PHACTR1: variants seen among roughly 807,000 people sequenced by gnomAD.
PHACTR1 encodes the protein RPEL repeat containing 1.
PHACTR1 carries 16 observed loss-of-function variants against 69.2 expected under a neutral mutation model. That is an observed-to-expected ratio of 0.23 (90% confidence interval 0.16 to 0.35). The LOEUF is 0.35. Ranked by LOEUF, PHACTR1 falls within the 10% of genes least tolerant of loss-of-function variation. PHACTR1 has a pLI of 1.00. For synonymous variants in PHACTR1, 312 were observed against 284.5 expected (o/e 1.10, Z -0.97); for missense variants, 510 against 734.7 (o/e 0.69, Z 3.54).
chr6:13,074,876 A>C (rs763106609), intron 5 of PHACTR1, among the ~76,000 whole-genome samples: 2 of 152,206 alleles, frequency 1.3e-5, no homozygotes, highest in Non-Finnish European at 2.9e-5. Context: ...AAAAAGCAAG[A>C]TGAGGTGGAG....
intron 4 of PHACTR1, among the ~76,000 whole-genome samples, chr6:12,886,399 T>C (rs1290785307): frequency 1.3e-5 from 2 of 152,244 alleles, no homozygotes; most frequent in South Asian, 2.1e-4. Flanking sequence ...ATTTCCATCA[T>C]ACTTTTTATT....
rs139424430 is a variant in PHACTR1, at chr6:12,941,569, G to A, written c.251-111796G>A. Reference sequence around the variant, plus strand: ...GACCGGATGTCACTACCTCTCACTCGCCACTTCCTGCCTCTCCACTTGAAT... The same window carrying A: ...GACCGGATGTCACTACCTCTCACTCACCACTTCCTGCCTCTCCACTTGAAT... On this transcript the variant is annotated intron_variant, in intron 4 of 14. Transcript: ENST00000332995. 1.4e-3 allele frequency among the ~76,000 whole-genome samples: 208 copies of A among 152,132 alleles called. 1 individual carries two copies. Among genetic ancestry groups the A allele is most frequent in the Non-Finnish European group, 2.3e-3 (157 of 68,010 alleles).
chr6:12,879,147 A>G (rs1782831179), intron 4 of PHACTR1, among the ~76,000 whole-genome samples: 1 of 152,180 alleles, frequency 6.6e-6, no homozygotes, highest in African/African-American at 2.4e-5. Context: ...GCTGGAGGCG[A>G]TGAAAATTTT....
Position 12,749,634 on chromosome 6 carries a change from T to G in PHACTR1, c.104-10T>G, listed in dbSNP as rs758445846. The stretch of plus-strand genomic sequence containing the variant: ...CTCTCCCTCTCCCTCCGTCTCCTTC[T>G]CCCTCTCAGCTCGCCGGGCGACCCT... On this transcript the variant is annotated splice_polypyrimidine_tract_variant and intron_variant, in intron 3 of 14. Transcript: ENST00000332995. 10 of 1,469,370 alleles carry G rather than the reference T, an allele frequency of 6.8e-6. No individual in the cohort carries two copies. Among genetic ancestry groups the G allele is most frequent in the African/African-American group, 1.5e-5 (1 of 68,790 alleles). The allele number at this position is 1,469,370 out of a possible 1,614,324, so 91.0% of individuals were successfully genotyped here. A position where few individuals can be genotyped will look rare whatever the true frequency, so the allele number is the denominator to read the frequency against.
intron 4 of PHACTR1, among the ~76,000 whole-genome samples, chr6:12,941,438 C>T (rs1790045314): frequency 6.6e-6 from 1 of 152,120 alleles, no homozygotes; most frequent in East Asian, 1.9e-4. Context: ...GAGAAGCAAG[C>T]AGAAAACCAC....
chr6:13,180,017 T>G (rs908904499), intron 6 of PHACTR1, among the ~76,000 whole-genome samples: 4 of 152,182 alleles, frequency 2.6e-5, no homozygotes, highest in African/African-American at 9.7e-5. Context: ...ATAGCATAAG[T>G]CTATCCCTTT....
intron 6 of PHACTR1, among the ~76,000 whole-genome samples, chr6:13,162,531 A>T: frequency 6.6e-6 from 1 of 152,200 alleles, no homozygotes; most frequent in Non-Finnish European, 1.5e-5. Flanking sequence ...GTATAATATT[A>T]TATAATAAGC....
intron 4 of PHACTR1, among the ~76,000 whole-genome samples, chr6:12,876,123 A>G (rs2127447621): frequency 6.6e-6 from 1 of 152,356 alleles, no homozygotes; most frequent in Non-Finnish European, 1.5e-5. Flanking sequence ...ACCGTAGCCC[A>G]TCGAACACCT....
intron 5 of PHACTR1, among the ~76,000 whole-genome samples, chr6:13,055,078 CAT>C (rs1314515012): frequency 1.3e-5 from 2 of 152,146 alleles, no homozygotes; most frequent in African/African-American, 2.4e-5. Flanking sequence ...AAGAGAATAA[CAT>C]AGAAAATCTG....
At chr6:13,150,848 G>C (rs1341458994) in intron 5 of PHACTR1, among the ~76,000 whole-genome samples, 2 of 152,110 alleles carry the variant, frequency 1.3e-5, no homozygotes, top group Non-Finnish European at 2.9e-5. Flanking sequence ...TCTAGAGATA[G>C]CATAAATGTG....
intron 4 of PHACTR1, among the ~76,000 whole-genome samples, chr6:12,931,953 A>G (rs1005922257): frequency 2.6e-5 from 4 of 151,908 alleles, no homozygotes; most frequent in Admixed American, 6.6e-5. Context: ...CGGTGGTTCC[A>G]AGAGTATGGT....
intron 10 of PHACTR1, among the ~76,000 whole-genome samples, chr6:13,235,559 G>A (rs895261368): frequency 6.6e-6 from 1 of 152,188 alleles, no homozygotes; most frequent in Non-Finnish European, 1.5e-5. Flanking sequence ...GACACTGACA[G>A]GTTGGTGAAG....
At chr6:13,064,565 T>C (rs1457427372) in intron 5 of PHACTR1, among the ~76,000 whole-genome samples, 1 of 1,752 alleles carries the variant, frequency 5.7e-4, no homozygotes, top group Non-Finnish European at 1.3e-3. Context: ...TATATATATA[T>C]ATATATATAT....
intron 5 of PHACTR1, among the ~76,000 whole-genome samples, chr6:13,086,140 C>G (rs1434376105): frequency 1.7e-5 from 2 of 117,280 alleles, no homozygotes; most frequent in Non-Finnish European, 3.4e-5. Context: ...ACAGATAGAA[C>G]TCAGAGTTTT....
At chr6:12,839,539 C>T (rs1280259013) in intron 4 of PHACTR1, among the ~76,000 whole-genome samples, 1 of 152,098 alleles carries the variant, frequency 6.6e-6, no homozygotes, top group Non-Finnish European at 1.5e-5. Flanking sequence ...GTCATGGGGC[C>T]TGTGGGCTGG....
intron 4 of PHACTR1, among the ~76,000 whole-genome samples, chr6:12,797,601 C>T (rs533955188): frequency 6.6e-6 from 1 of 152,246 alleles, no homozygotes; most frequent in African/African-American, 2.4e-5. Flanking sequence ...ACAGTGGGAG[C>T]ATAGGGGAAA....
chr6:12,962,014 G>A (rs1025674199), intron 4 of PHACTR1, among the ~76,000 whole-genome samples: 8 of 152,116 alleles, frequency 5.3e-5, no homozygotes, highest in Non-Finnish European at 2.9e-5. Flanking sequence ...CTGCAGCCTT[G>A]ATCTCCTGGG....
At chr6:12,798,862 G>A (rs1773386139) in intron 4 of PHACTR1, among the ~76,000 whole-genome samples, 1 of 152,224 alleles carries the variant, frequency 6.6e-6, no homozygotes, top group Non-Finnish European at 1.5e-5. Flanking sequence ...GCCCTTGCCT[G>A]AATCTATATA....
At chr6:12,960,543 A>T (rs1792579121) in intron 4 of PHACTR1, among the ~76,000 whole-genome samples, 1 of 152,176 alleles carries the variant, frequency 6.6e-6, no homozygotes, top group Non-Finnish European at 1.5e-5. Flanking sequence ...GATAAACAAC[A>T]TTTGTCCCCA....
Sources: gnomAD v4.1 joint callset for allele counts (sites outside exome capture counted in the v4.1 genomes callset) on GRCh38, gnomAD v4.1.1 for gene constraint, MANE v1.5 for transcripts, NCBI Gene and HGNC (gene_info 2026-07-23, HGNC 2026-07-21) for gene names.